PPIL6: variants seen among roughly 807,000 people sequenced by gnomAD.
The protein encoded by PPIL6 is peptidylprolyl isomerase like 6, also known as probable inactive peptidyl-prolyl cis-trans isomerase-like 6.
PPIL6 carries 39 observed loss-of-function variants against 36.8 expected under a neutral mutation model. The ratio of observed to expected loss-of-function variants is 1.06; its 90% CI spans 0.82 to 1.38. PPIL6 has a LOEUF of 1.38. Among genes scored for constraint, PPIL6 ranks in the 40% most tolerant of loss-of-function variants. PPIL6 has a pLI of 0.00. For synonymous variants in PPIL6, 123 were observed against 134.1 expected, an observed-to-expected ratio of 0.92 and a Z score of 0.57; for missense variants, 368 against 379.1, an observed-to-expected ratio of 0.97 and a Z score of 0.24.
chr6:109,423,626 TTA>T (rs141078425), intron 5 of PPIL6, among the ~76,000 whole-genome samples: 4 of 151,300 alleles, frequency 2.6e-5, no homozygotes, highest in African/African-American at 4.8e-5. Context: ...CTCACCCATT[TTA>T]TATATATATA....
At position 109,431,354 on chromosome 6, in the gene PPIL6, GA is replaced by G; in HGVS notation, c.232-10del. On this transcript the variant is annotated splice_polypyrimidine_tract_variant and intron_variant, in intron 2 of 7. Coordinates refer to ENST00000521072, the MANE Select transcript of PPIL6 (RefSeq NM_173672.5). ...GTTTCATTTTTGAGTTCCTGTAAGG[GA>G]AAAGGACAAAAAAAAAAAAAAACGT... 7 of 1,001,442 alleles carry G rather than the reference GA, an allele frequency of 7.0e-6. 1 individual carries two copies. The highest frequency in any genetic ancestry group is 6.6e-5 in the African/African-American group (2 of 30,346). 62.0% of individuals were successfully genotyped at this position (1,001,442 alleles called of 1,614,324 possible). A position where few individuals can be genotyped will look rare whatever the true frequency, so the allele number is the denominator to read the frequency against.
intron 5 of PPIL6, among the ~76,000 whole-genome samples, chr6:109,422,888 C>T (rs1773621341): frequency 1.3e-5 from 2 of 152,158 alleles, no homozygotes. Flanking sequence ...ACATATTGTA[C>T]TTATCAGCGG....
intron 6 of PPIL6, among the ~76,000 whole-genome samples, chr6:109,409,548 T>G (rs116279859): frequency 1.3e-5 from 2 of 151,104 alleles, no homozygotes; most frequent in Non-Finnish European, 3.0e-5. Context: ...TGGGCGACAG[T>G]GTCGTGAGAC....
At chr6:109,416,200 C>CTT (rs35427534) in intron 6 of PPIL6, among the ~76,000 whole-genome samples, 1,129 of 112,488 alleles carry the variant, frequency 0.01, 40 homozygotes, top group African/African-American at 0.033. Context: ...TCTTTTGTGG[C>CTT]TTTTTTTTTT....
rs1772085535 is a variant in PPIL6, at chr6:109,391,198, G to A, written c.*1628C>T. On this transcript the variant is annotated 3_prime_UTR_variant, in exon 8 of 8. Coordinates refer to ENST00000521072, the MANE Select transcript of PPIL6 (RefSeq NM_173672.5). Reference sequence around the variant, plus strand: ...AGCTACTCGGGAGGCTGAGGCAGGAGAATGGCATGAATCAGGGAGGCAGAG... The same window carrying A: ...AGCTACTCGGGAGGCTGAGGCAGGAAAATGGCATGAATCAGGGAGGCAGAG... The A allele has an allele frequency of 7.2e-6, 1 of 139,530 alleles. No homozygotes were observed. The highest frequency in any genetic ancestry group is 2.6e-5 in the African/African-American group (1 of 38,602). 8.6% of individuals were successfully genotyped at this position (139,530 alleles called of 1,614,324 possible). A position where few individuals can be genotyped will look rare whatever the true frequency, so the allele number is the denominator to read the frequency against.
intron 5 of PPIL6, among the ~76,000 whole-genome samples, chr6:109,426,569 A>G (rs1340169502): frequency 2.0e-5 from 3 of 152,240 alleles, no homozygotes; most frequent in Non-Finnish European, 2.9e-5. Context: ...ATTTGTAAAA[A>G]TAAAATTGGT....
intron 6 of PPIL6, among the ~76,000 whole-genome samples, chr6:109,416,281 C>A (rs1228783770): frequency 1.4e-5 from 2 of 147,102 alleles, no homozygotes; most frequent in Non-Finnish European, 3.0e-5. Context: ...CGGCTCACTG[C>A]AACCTCTGCC....
intron 3 of PPIL6, among the ~76,000 whole-genome samples, chr6:109,428,513 A>G (rs978423129): frequency 6.7e-6 from 1 of 148,292 alleles, no homozygotes; most frequent in African/African-American, 2.5e-5. Flanking sequence ...TGATTGTGCC[A>G]CTGCACTACA....
intron 1 of PPIL6, among the ~76,000 whole-genome samples, chr6:109,438,904 A>T (rs1774612228): frequency 1.3e-5 from 2 of 152,228 alleles, no homozygotes; most frequent in Admixed American, 1.3e-4. Flanking sequence ...AATTCTAAAA[A>T]ATCAAAAGAA....
intron 6 of PPIL6, among the ~76,000 whole-genome samples, chr6:109,417,450 A>G (rs1199907486): frequency 1.3e-5 from 2 of 151,584 alleles, no homozygotes; most frequent in Non-Finnish European, 2.9e-5. Flanking sequence ...TTTCAAATCC[A>G]TGTTGCTCAA....
chr6:109,440,660 CCGCCG>C (rs1774805037), upstream of PPIL6: 1 of 1,144,094 alleles, frequency 8.7e-7, no homozygotes, highest in Non-Finnish European at 1.1e-6. Context: ...GGCCCCGCCT[CCGCCG>C]CTCGCAGGAG....
intron 6 of PPIL6, among the ~76,000 whole-genome samples, chr6:109,402,850 C>T (rs1204975295): frequency 1.3e-5 from 2 of 151,350 alleles, no homozygotes; most frequent in Non-Finnish European, 2.9e-5. Context: ...GTGGTCATGC[C>T]GTAACTGGCC....
chr6:109,392,736 T>G lies in PPIL6; in HGVS notation c.*90A>C. Reference sequence around the variant, plus strand: ...ACAGTGTCTGCCACGGCTTTCAAATTACAATTTATCAAGTACTTTTTAATT... The same window carrying G: ...ACAGTGTCTGCCACGGCTTTCAAATGACAATTTATCAAGTACTTTTTAATT... On this transcript the variant is annotated 3_prime_UTR_variant, in exon 8 of 8. Transcript: ENST00000521072. 1 of 825,284 alleles carries G rather than the reference T, an allele frequency of 1.2e-6. No homozygotes were observed. The highest frequency in any genetic ancestry group is 1.7e-5 in the African/African-American group (1 of 57,560). 51.1% of individuals were successfully genotyped at this position (825,284 alleles called of 1,614,324 possible). A position where few individuals can be genotyped will look rare whatever the true frequency, so the allele number is the denominator to read the frequency against.
chr6:109,420,120 G>A (rs933284266), intron 5 of PPIL6, among the ~76,000 whole-genome samples: 2 of 151,840 alleles, frequency 1.3e-5, no homozygotes, highest in African/African-American at 4.8e-5. Flanking sequence ...AATCACTTGA[G>A]GCCAGGAGTT....
At chr6:109,426,301 C>G (rs1027330620) in intron 5 of PPIL6, among the ~76,000 whole-genome samples, 2 of 152,128 alleles carry the variant, frequency 1.3e-5, no homozygotes, top group Admixed American at 6.6e-5. Context: ...TATGGACTAT[C>G]CCCCAAAAGG....
chr6:109,406,277 C>G (rs1772795944), intron 6 of PPIL6, among the ~76,000 whole-genome samples: 1 of 151,552 alleles, frequency 6.6e-6, no homozygotes, highest in Non-Finnish European at 1.5e-5. Flanking sequence ...GTTTTGAACT[C>G]CTGGGCTCAA....
intron 4 of PPIL6, 47 bp from the exon 5 acceptor site, chr6:109,427,041 C>T: frequency 6.3e-7 from 1 of 1,597,810 alleles, no homozygotes; most frequent in Non-Finnish European, 8.6e-7. Flanking sequence ...ATTTAACACT[C>T]CAACAGTTAT....
At chr6:109,431,878 T>G (rs190339860) in intron 2 of PPIL6, among the ~76,000 whole-genome samples, 7 of 152,262 alleles carry the variant, frequency 4.6e-5, no homozygotes, top group Non-Finnish European at 1.0e-4. Context: ...CTTTTTTCTT[T>G]AAACACTTGA....
chr6:109,436,215 G>A lies in PPIL6; in HGVS notation c.136-16C>T, dbSNP rs768104934. 2 of 1,365,984 alleles carry A rather than the reference G, an allele frequency of 1.5e-6. No homozygotes were observed. Among genetic ancestry groups the A allele is most frequent in the African/African-American group, 2.9e-5 (2 of 69,776 alleles). The allele number at this position is 1,365,984 out of a possible 1,614,324, so 84.6% of individuals were successfully genotyped here. A position where few individuals can be genotyped will look rare whatever the true frequency, so the allele number is the denominator to read the frequency against. ...TCTTCAGATTCTGGATTTCGAAATA[G>A]AATAATTATTTTAGAGTTAGTTCTC... On this transcript the variant is annotated splice_polypyrimidine_tract_variant and intron_variant, in intron 1 of 7. Coordinates refer to ENST00000521072, the MANE Select transcript of PPIL6 (RefSeq NM_173672.5).
Sources: gnomAD v4.1 joint callset for allele counts (sites outside exome capture counted in the v4.1 genomes callset) on GRCh38, gnomAD v4.1.1 for gene constraint, MANE v1.5 for transcripts, NCBI Gene and HGNC (gene_info 2026-07-23, HGNC 2026-07-21) for gene names.